Variants in MYO18A observed in about 807,000 individuals in gnomAD.
MYO18A encodes unconventional myosin-XVIIIa.
MYO18A carries 78 observed loss-of-function variants against 235.8 expected under a neutral mutation model. That is an observed-to-expected ratio of 0.33 (90% CI 0.28 to 0.40). The LOEUF (loss-of-function observed/expected upper bound fraction) is 0.40. Among genes scored for constraint, MYO18A ranks in the 10% least tolerant of loss-of-function variants. MYO18A has a pLI of 1.00. For missense variants in MYO18A, 2,215 were observed against 2,699.3 expected, an observed-to-expected ratio of 0.82 and a Z score of 3.98; for synonymous variants, 977 against 1,077.8, an observed-to-expected ratio of 0.91 and a Z score of 1.83.
intron 41 of MYO18A, chr17:29,079,818 G>A: frequency 1.0e-6 from 1 of 986,058 alleles, no homozygotes; most frequent in Non-Finnish European, 1.2e-6. Flanking sequence ...TCGACGGCCG[G>A]TGCGTCTGCC....
At chr17:29,093,162 T>A (rs918683667) in intron 32 of MYO18A, among the ~76,000 whole-genome samples, 161 bp from the exon 33 acceptor site, 2 of 152,152 alleles carry the variant, frequency 1.3e-5, no homozygotes, top group East Asian at 3.9e-4. Flanking sequence ...GGTGTGCCAA[T>A]GTATGGTGAT....
intron 2 of MYO18A, among the ~76,000 whole-genome samples, chr17:29,143,380 G>T (rs2067782607): frequency 6.7e-6 from 1 of 149,758 alleles, no homozygotes; most frequent in Non-Finnish European, 1.5e-5. Flanking sequence ...TCACAGGCAT[G>T]CACCACCGTG....
chr17:29,143,384 C>T (rs2152931306), intron 2 of MYO18A, among the ~76,000 whole-genome samples: 1 of 151,944 alleles, frequency 6.6e-6, no homozygotes, highest in South Asian at 2.1e-4. Context: ...AGGCATGCAC[C>T]ACCGTGCCAC....
At chr17:29,124,790 A>C in intron 2 of MYO18A, 2 of 994,732 alleles carry the variant, frequency 2.0e-6, no homozygotes, top group Non-Finnish European at 2.6e-6. Flanking sequence ...GTGGGCCGGC[A>C]CTCTCTAGTT....
In MYO18A at chr17:29,166,744, A is replaced by ATGGGGT; in HGVS notation, c.191_196dup (p.Asn64_Pro65dup). Reference sequence around the variant, plus strand: ...AGAGCCGCTGGCCACCTTGATGGGGATGGGGTTGGAGATTTCCAGGCGCGT... The same window carrying ATGGGGT: ...AGAGCCGCTGGCCACCTTGATGGGGATGGGGTTGGGGTTGGAGATTTCCAGGCGCGT... On this transcript the variant is annotated inframe_insertion, in exon 2 of 42. Coordinates refer to ENST00000527372, the MANE Select transcript of MYO18A (RefSeq NM_078471.4). The ATGGGGT allele has an allele frequency of 1.2e-6, 2 of 1,613,714 alleles. No individual in the cohort carries two copies. The highest frequency in any genetic ancestry group is 1.7e-6 in the Non-Finnish European group (2 of 1,179,854).
intron 1 of MYO18A, among the ~76,000 whole-genome samples, chr17:29,169,217 AT>A (rs1486639412): frequency 6.6e-6 from 1 of 151,786 alleles, no homozygotes. Context: ...CGCCCAGCTA[AT>A]TTTTTGTATT....
At chr17:29,100,227 G>T (rs867283090) in intron 21 of MYO18A, among the ~76,000 whole-genome samples, 25 of 152,372 alleles carry the variant, frequency 1.6e-4, no homozygotes, top group African/African-American at 6.0e-4. Flanking sequence ...CTGGGATCGG[G>T]TGAGTGGATG....
At chr17:29,107,667 A>T (rs933214582) in intron 19 of MYO18A, 1 of 153,278 alleles carries the variant, frequency 6.5e-6, no homozygotes, top group African/African-American at 2.4e-5. Context: ...CTGTAATCCT[A>T]TCACTTTGGG....
At position 29,098,835 on chromosome 17, in the gene MYO18A, C is replaced by T; in HGVS notation, c.3771G>A (p.Arg1257=). The T allele has an allele frequency of 1.9e-6, 3 of 1,614,008 alleles. No homozygotes were observed. In the South Asian group the frequency reaches 3.3e-5, roughly 18 times the overall value. The part of the protein sequence containing the change: ...IEVQLSEEQI[R]NKDEEIQQLR... ...TCAGGCTGTCACATACGTCTTTGTT[C>T]CGGATCTGCTCCTCTGACAGCTGTA... Residue 1257 remains arginine (R), a synonymous_variant, in exon 23 of 42, where the codon CGG becomes CGA. Coordinates refer to ENST00000527372, the MANE Select transcript of MYO18A (RefSeq NM_078471.4).
chr17:29,092,784 CGA>C (rs1555624108), intron 33 of MYO18A, 69 bp downstream of exon 33: 3 of 1,567,590 alleles, frequency 1.9e-6, no homozygotes, highest in South Asian at 1.2e-5. Context: ...CTGAGAGGAG[CGA>C]GAGAGAGAAA....
intron 32 of MYO18A, 91 bp downstream of exon 32, chr17:29,093,232 C>A: frequency 8.1e-7 from 1 of 1,234,680 alleles, no homozygotes; most frequent in South Asian, 1.3e-5. Context: ...CCCGACAGCT[C>A]TGTTCGTGGC....
chr17:29,112,753 G>C (rs1187373611), intron 15 of MYO18A, among the ~76,000 whole-genome samples: 1 of 152,238 alleles, frequency 6.6e-6, no homozygotes, highest in African/African-American at 2.4e-5. Context: ...GAAAAAAGAA[G>C]TGAGAAAAGG....
chr17:29,143,122 T>G (rs1160053907), intron 2 of MYO18A, among the ~76,000 whole-genome samples: 1 of 151,934 alleles, frequency 6.6e-6, no homozygotes, highest in Non-Finnish European at 1.5e-5. Flanking sequence ...TGCTTCAATT[T>G]CTTCATTTGT....
intron 2 of MYO18A, among the ~76,000 whole-genome samples, chr17:29,135,665 G>A (rs2067581244): frequency 6.6e-6 from 1 of 152,196 alleles, no homozygotes; most frequent in African/African-American, 2.4e-5. Context: ...ACCCAGGCCT[G>A]TTCCTCTGCA....
At chr17:29,075,654 C>T (rs1256092398) in intron 41 of MYO18A, 2 of 166,238 alleles carry the variant, frequency 1.2e-5, no homozygotes, top group African/African-American at 4.8e-5. Context: ...AGGCCTCTTC[C>T]CCCTGATGGA....
At chr17:29,083,775 G>A (rs2066182405) in intron 40 of MYO18A, among the ~76,000 whole-genome samples, 1 of 152,018 alleles carries the variant, frequency 6.6e-6, no homozygotes, top group Admixed American at 6.6e-5. Context: ...TGGTGCATGG[G>A]CCCCATGGAA....
chr17:29,082,313 C>T lies in MYO18A; in HGVS notation c.6020+3G>A. 1 of 1,613,858 alleles carries T rather than the reference C, an allele frequency of 6.2e-7. No individual in the cohort carries two copies. Among genetic ancestry groups the T allele is most frequent in the Non-Finnish European group, 8.5e-7 (1 of 1,179,782 alleles). ...TCCTCCCAGCTCAAGGCCATATGCTCACCTGGAACTCTTTAAGCTGCCATC... is the reference window on the plus strand; with the variant it reads ...TCCTCCCAGCTCAAGGCCATATGCTTACCTGGAACTCTTTAAGCTGCCATC... On this transcript the variant is annotated splice_donor_region_variant and intron_variant, in intron 41 of 41. Transcript: ENST00000527372.
At chr17:29,135,664 T>C (rs2067581167) in intron 2 of MYO18A, among the ~76,000 whole-genome samples, 2 of 152,248 alleles carry the variant, frequency 1.3e-5, no homozygotes, top group African/African-American at 4.8e-5. Flanking sequence ...CACCCAGGCC[T>C]GTTCCTCTGC....
intron 1 of MYO18A, among the ~76,000 whole-genome samples, chr17:29,174,284 C>A (rs28635442): frequency 0.012 from 1,778 of 152,164 alleles, 27 homozygotes; most frequent in African/African-American, 0.041. Context: ...GGCGGGAGGA[C>A]TGCTTGAGTC....
Sources: gnomAD v4.1 joint callset for allele counts (sites outside exome capture counted in the v4.1 genomes callset) on GRCh38, gnomAD v4.1.1 for gene constraint, MANE v1.5 for transcripts, NCBI Gene and HGNC (gene_info 2026-07-23, HGNC 2026-07-21) for gene names.